KLHL2: variants seen among roughly 807,000 people sequenced by gnomAD.
The protein encoded by KLHL2 is kelch-like protein 2.
A neutral mutation model predicts 75.8 loss-of-function variants in KLHL2; 15 were observed. The ratio of observed to expected loss-of-function variants is 0.20; its 90% CI spans 0.13 to 0.30. KLHL2 has a LOEUF of 0.30. Among genes scored for constraint, KLHL2 ranks in the 10% least tolerant of loss-of-function variants. The pLI, the probability that KLHL2 is intolerant of heterozygous loss-of-function variation, is 1.00. For missense variants in KLHL2, 381 were observed against 741.0 expected, an observed-to-expected ratio of 0.51 and a Z score of 5.64; for synonymous variants, 214 against 251.9, an observed-to-expected ratio of 0.85 and a Z score of 1.42.
At chr4:165,225,656 C>T (rs1738379862) in intron 2 of KLHL2, among the ~76,000 whole-genome samples, 1 of 152,154 alleles carries the variant, frequency 6.6e-6, no homozygotes, top group Non-Finnish European at 1.5e-5. Flanking sequence ...TTCTTGTAAG[C>T]ATGCAAATTT....
intron 4 of KLHL2, among the ~76,000 whole-genome samples, chr4:165,247,091 A>G (rs1740320984): frequency 6.6e-6 from 1 of 152,238 alleles, no homozygotes; most frequent in South Asian, 2.1e-4. Context: ...AGGTCAAGAA[A>G]GTGAATTGAG....
chr4:165,311,905 A>G (rs934596420), intron 11 of KLHL2, among the ~76,000 whole-genome samples: 8 of 151,644 alleles, frequency 5.3e-5, no homozygotes, highest in African/African-American at 1.9e-4. Flanking sequence ...TGACTTATAT[A>G]ACAGCAGTCC....
At chr4:165,248,648 T>A (rs1173996598) in intron 4 of KLHL2, among the ~76,000 whole-genome samples, 1 of 152,202 alleles carries the variant, frequency 6.6e-6, no homozygotes, top group Non-Finnish European at 1.5e-5. Context: ...AGTAGGTCAT[T>A]ATTAGCATTT....
intron 13 of KLHL2, among the ~76,000 whole-genome samples, chr4:165,314,929 C>A (rs191088458): frequency 8.7e-4 from 133 of 152,212 alleles, no homozygotes; most frequent in Admixed American, 1.4e-3. Context: ...TGGACACCCC[C>A]CTCCATCAGC....
At chr4:165,232,821 T>C (rs963989156) in intron 3 of KLHL2, among the ~76,000 whole-genome samples, 7 of 151,942 alleles carry the variant, frequency 4.6e-5, no homozygotes, top group African/African-American at 1.7e-4. Flanking sequence ...ATTTAAGTAT[T>C]TGCCAGAGTA....
intron 5 of KLHL2, among the ~76,000 whole-genome samples, chr4:165,293,134 AT>A (rs1744640619): frequency 6.6e-6 from 1 of 152,186 alleles, no homozygotes; most frequent in African/African-American, 2.4e-5. Flanking sequence ...AAACCACCAC[AT>A]TCCCTTGTGA....
chr4:165,265,534 T>C (rs899683365), intron 5 of KLHL2, among the ~76,000 whole-genome samples: 14 of 152,120 alleles, frequency 9.2e-5, no homozygotes, highest in African/African-American at 2.9e-4. Context: ...CTTTAATCCA[T>C]CTTGGGTTAA....
Position 165,213,234 on chromosome 4 carries a change from T to G in KLHL2, c.26+5332T>G, listed in dbSNP as rs548497497. 2.6e-5 allele frequency among the ~76,000 whole-genome samples: 4 copies of G among 152,340 alleles called. No homozygotes were observed. The East Asian group carries it at 7.7e-4, about 29-fold the overall frequency. ...TCACTTGATACCTGAACTTTTTCACTGGTCTTCTATTGAGCTCTGTGTATT... is the reference window on the plus strand; with the variant it reads ...TCACTTGATACCTGAACTTTTTCACGGGTCTTCTATTGAGCTCTGTGTATT... On this transcript the variant is annotated intron_variant, in intron 1 of 14. Coordinates refer to ENST00000226725, the MANE Select transcript of KLHL2 (RefSeq NM_007246.4).
intron 5 of KLHL2, among the ~76,000 whole-genome samples, chr4:165,266,238 A>G (rs1045788545): frequency 2.6e-5 from 4 of 152,120 alleles, no homozygotes; most frequent in Non-Finnish European, 5.9e-5. Context: ...TCAGATGGGT[A>G]GTTTGCAAAT....
At chr4:165,294,230 C>A (rs1744737195) in intron 5 of KLHL2, 129 bp from the exon 6 acceptor site, 1 of 590,314 alleles carries the variant, frequency 1.7e-6, no homozygotes, top group Non-Finnish European at 3.0e-6. Flanking sequence ...TTAGTTCTTG[C>A]CTGGAGGTGT....
Position 165,299,509 on chromosome 4 carries a change from G to A in KLHL2, c.774G>A (p.Arg258=), listed in dbSNP as rs374299964. The part of the protein sequence containing the change: ...PLLPREYLVQ[R]VEEEALVKNS... Reference sequence around the variant, plus strand: ...GTGTGTCTGATTTCTTGTTACAGAGGGTTGAAGAGGAAGCATTGGTCAAGA... The same window carrying A: ...GTGTGTCTGATTTCTTGTTACAGAGAGTTGAAGAGGAAGCATTGGTCAAGA... The change falls in exon 8 of 15, where the codon AGG becomes AGA. Residue 258 remains arginine, a splice_region_variant and synonymous_variant. Transcript: ENST00000226725. 1.9e-6 allele frequency: 3 copies of A among 1,608,396 alleles called. No individual in the cohort carries two copies. In the African/African-American group the frequency reaches 4.0e-5, roughly 22 times the overall value.
chr4:165,243,197 T>G (rs1357080004), intron 4 of KLHL2, among the ~76,000 whole-genome samples: 1 of 152,212 alleles, frequency 6.6e-6, no homozygotes, highest in Non-Finnish European at 1.5e-5. Flanking sequence ...TAAAGGATCT[T>G]GAACTTCTTA....
chr4:165,232,395 C>T (rs1229117579), intron 3 of KLHL2, among the ~76,000 whole-genome samples: 2 of 150,864 alleles, frequency 1.3e-5, no homozygotes, highest in Admixed American at 1.3e-4. Context: ...CCACTGCAAT[C>T]CAGCCTGGGC....
intron 3 of KLHL2, among the ~76,000 whole-genome samples, chr4:165,235,388 A>G (rs1363699746): frequency 6.6e-6 from 1 of 152,078 alleles, no homozygotes; most frequent in Non-Finnish European, 1.5e-5. Flanking sequence ...TTTAGTAGAG[A>G]TAGGGTTTCG....
intron 5 of KLHL2, 125 bp downstream of exon 5, chr4:165,263,484 A>G: frequency 7.3e-7 from 1 of 1,378,192 alleles, no homozygotes; most frequent in Non-Finnish European, 9.7e-7. Context: ...TACATTTAAA[A>G]TCTTATAATG....
At chr4:165,208,044 C>A in intron 1 of KLHL2, 142 bp downstream of exon 1, 1 of 466,740 alleles carries the variant, frequency 2.1e-6, no homozygotes, top group African/African-American at 2.1e-5. Flanking sequence ...AGGCGCTGTG[C>A]CCGCAGTCCT....
At chr4:165,209,959 C>T (rs1737089714) in intron 1 of KLHL2, 2 of 1,425,130 alleles carry the variant, frequency 1.4e-6, no homozygotes. Flanking sequence ...ACCATGGATC[C>T]CGTGTGCCGG....
intron 9 of KLHL2, among the ~76,000 whole-genome samples, chr4:165,308,090 A>G (rs56058314): frequency 0.25 from 38,216 of 152,150 alleles, 5,487 homozygotes; most frequent in Non-Finnish European, 0.34. Context: ...ACTGAGCTTT[A>G]TAATATGTTT....
chr4:165,258,304 A>G (rs1560776805), intron 4 of KLHL2, among the ~76,000 whole-genome samples: 1 of 152,118 alleles, frequency 6.6e-6, no homozygotes, highest in East Asian at 1.9e-4. Context: ...GAGAATAACA[A>G]AATTTAGGGC....
Sources: gnomAD v4.1 joint callset for allele counts (sites outside exome capture counted in the v4.1 genomes callset) on GRCh38, gnomAD v4.1.1 for gene constraint, MANE v1.5 for transcripts, NCBI Gene and HGNC (gene_info 2026-07-23, HGNC 2026-07-21) for gene names.